TNFRSF19: variants seen among roughly 807,000 people sequenced by gnomAD.
TNFRSF19 encodes the protein TNF receptor superfamily member 19.
A neutral mutation model predicts 46.4 loss-of-function variants in TNFRSF19; 27 were observed. That is an observed-to-expected ratio of 0.58 (90% CI 0.43 to 0.80). TNFRSF19 has a LOEUF of 0.80. TNFRSF19 is among the 30% of genes least tolerant of loss of function. The probability of loss-of-function intolerance (pLI) is 0.00; values close to 1 mark genes in which losing one functional copy is unlikely to be tolerated. For missense variants in TNFRSF19, 511 were observed against 530.8 expected, an observed-to-expected ratio of 0.96 and a Z score of 0.37; for synonymous variants, 204 against 205.0, an observed-to-expected ratio of 1.00 and a Z score of 0.04.
chr13:23,642,043 G>C (rs558922581), intron 5 of TNFRSF19, among the ~76,000 whole-genome samples: 4 of 152,142 alleles, frequency 2.6e-5, no homozygotes, highest in Admixed American at 2.6e-4. Context: ...ATGGTTTCAC[G>C]CCATTGTAAA....
intron 7 of TNFRSF19, among the ~76,000 whole-genome samples, chr13:23,665,689 C>A (rs903258065): frequency 6.6e-6 from 1 of 152,226 alleles, no homozygotes; most frequent in East Asian, 1.9e-4. Flanking sequence ...TCCCTCTACC[C>A]CTTAGTACAT....
chr13:23,669,332 A>C (rs1951714555), intron 9 of TNFRSF19: 1 of 1,350,726 alleles, frequency 7.4e-7, no homozygotes, highest in Admixed American at 3.5e-5. Context: ...CCTCTTTGTA[A>C]GTACAACCAC....
chr13:23,625,561 C>T (rs1281446696), intron 4 of TNFRSF19, among the ~76,000 whole-genome samples: 2 of 152,022 alleles, frequency 1.3e-5, no homozygotes, highest in Non-Finnish European at 2.9e-5. Context: ...ATCTCCTGAC[C>T]TCGTGATCCA....
At chr13:23,660,031 G>A (rs1333081723) in intron 6 of TNFRSF19, among the ~76,000 whole-genome samples, 1 of 152,108 alleles carries the variant, frequency 6.6e-6, no homozygotes, top group Admixed American at 6.5e-5. Context: ...GAAAATCTGT[G>A]TATAAGTGAC....
At chr13:23,588,045 A>G (rs1309126993) in intron 1 of TNFRSF19, among the ~76,000 whole-genome samples, 2 of 152,232 alleles carry the variant, frequency 1.3e-5, no homozygotes, top group African/African-American at 2.4e-5. Context: ...TGTCATTAAC[A>G]TGAAGGACAA....
At chr13:23,582,658 A>T (rs1411015408) in intron 1 of TNFRSF19, among the ~76,000 whole-genome samples, 1 of 152,194 alleles carries the variant, frequency 6.6e-6, no homozygotes, top group African/African-American at 2.4e-5. Flanking sequence ...GATGGTGAAC[A>T]CATAAAACAC....
intron 3 of TNFRSF19, among the ~76,000 whole-genome samples, chr13:23,600,241 A>G (rs974452622): frequency 1.3e-5 from 2 of 152,174 alleles, no homozygotes; most frequent in African/African-American, 4.8e-5. Flanking sequence ...AGGAAGTAAA[A>G]AGCTGAACAA....
intron 1 of TNFRSF19, among the ~76,000 whole-genome samples, chr13:23,571,122 A>G (rs557681764): frequency 1.3e-5 from 2 of 152,332 alleles, no homozygotes; most frequent in African/African-American, 2.4e-5. Context: ...ACAAAACAGA[A>G]CAGCGCTCAC....
intron 4 of TNFRSF19, among the ~76,000 whole-genome samples, chr13:23,624,895 C>T (rs756522683): frequency 4.0e-4 from 60 of 151,792 alleles, no homozygotes; most frequent in Non-Finnish European, 7.2e-4. Context: ...GGATTATAGG[C>T]GCCCACCACC....
At chr13:23,666,094 C>G (rs1193105454) in intron 7 of TNFRSF19, among the ~76,000 whole-genome samples, 1 of 152,214 alleles carries the variant, frequency 6.6e-6, no homozygotes, top group East Asian at 1.9e-4. Flanking sequence ...CGCACTGTAT[C>G]AGGAGGCAGA....
chr13:23,573,727 T>C (rs1410364277), intron 1 of TNFRSF19, among the ~76,000 whole-genome samples: 1 of 152,034 alleles, frequency 6.6e-6, no homozygotes, highest in East Asian at 1.9e-4. Context: ...TTAAGACTCT[T>C]GAGCATGTTT....
At chr13:23,594,270 G>C (rs1422643215) in intron 3 of TNFRSF19, 1 of 452,646 alleles carries the variant, frequency 2.2e-6, no homozygotes, top group Non-Finnish European at 4.4e-6. Flanking sequence ...CACTCCCCTG[G>C]AAAGGGGGAT....
chr13:23,648,946 A>G (rs764527767), intron 5 of TNFRSF19, among the ~76,000 whole-genome samples: 4 of 152,150 alleles, frequency 2.6e-5, no homozygotes, highest in Non-Finnish European at 5.9e-5. Flanking sequence ...GTGGTGTATA[A>G]TCTTTTAATA....
At chr13:23,604,799 GC>G (rs1184719362) in intron 3 of TNFRSF19, among the ~76,000 whole-genome samples, 1 of 152,100 alleles carries the variant, frequency 6.6e-6, no homozygotes, top group African/African-American at 2.4e-5. Flanking sequence ...ACATCCACAT[GC>G]AAAAAATGAA....
Position 23,667,251 on chromosome 13 carries a change from T to C in TNFRSF19, c.737-729T>C, listed in dbSNP as rs188217068. Reference sequence around the variant, plus strand: ...TTTTAAATTTCTTATCTAATCTCTATATTTTAGATTTTTAAGCTTATATTA... The same window carrying C: ...TTTTAAATTTCTTATCTAATCTCTACATTTTAGATTTTTAAGCTTATATTA... On this transcript the variant is annotated intron_variant, in intron 7 of 9. Coordinates refer to ENST00000248484, the MANE Select transcript of TNFRSF19 (RefSeq NM_148957.4). 1.4e-4 allele frequency among the ~76,000 whole-genome samples: 22 copies of C among 152,308 alleles called. 1 individual carries two copies. In the East Asian group the frequency reaches 3.5e-3, roughly 24 times the overall value.
chr13:23,593,596 T>A, intron 3 of TNFRSF19, 141 bp downstream of exon 3: 1 of 644,776 alleles, frequency 1.6e-6, no homozygotes, highest in Non-Finnish European at 2.7e-6. Flanking sequence ...TAGCCAAATA[T>A]CATACAATTC....
intron 1 of TNFRSF19, among the ~76,000 whole-genome samples, chr13:23,576,260 A>G (rs1254124726): frequency 1.3e-5 from 2 of 151,478 alleles, no homozygotes; most frequent in Non-Finnish European, 2.9e-5. Context: ...CAGCCTCCCT[A>G]GTAGCTGGGA....
At chr13:23,643,453 G>A (rs548369643) in intron 5 of TNFRSF19, among the ~76,000 whole-genome samples, 115 of 152,328 alleles carry the variant, frequency 7.5e-4, no homozygotes, top group African/African-American at 2.7e-3. Context: ...CCTTGTAAAA[G>A]AGAGTAATGT....
chr13:23,637,403 A>G (rs1033927191), intron 5 of TNFRSF19, among the ~76,000 whole-genome samples: 1 of 152,248 alleles, frequency 6.6e-6, no homozygotes, highest in Non-Finnish European at 1.5e-5. Context: ...GATGCTAGTG[A>G]TTGTAAAAGA....
Sources: allele counts gnomAD v4.1 joint callset (sites outside exome capture counted in the v4.1 genomes callset), GRCh38; gene constraint gnomAD v4.1.1; transcripts MANE v1.5; gene names NCBI Gene and HGNC (gene_info 2026-07-23, HGNC 2026-07-21).